The following ANKS1B variants were observed in gnomAD, a reference collection of about 807,000 sequenced individuals.
ANKS1B encodes the protein ankyrin repeat and sterile alpha motif domain containing 1B.
Under a neutral mutation model 148.3 loss-of-function variants are expected in ANKS1B, and 36 were observed. The ratio of observed to expected loss-of-function variants is 0.24; its 90% CI spans 0.19 to 0.32. ANKS1B has a LOEUF of 0.32. Ranked by LOEUF, ANKS1B falls within the 10% of genes least tolerant of loss-of-function variation. The pLI is 1.00. For missense variants in ANKS1B, 1,157 were observed against 1,542.6 expected, an observed-to-expected ratio of 0.75 and a Z score of 4.19; for synonymous variants, 542 against 560.8, an observed-to-expected ratio of 0.97 and a Z score of 0.47.
intron 8 of ANKS1B, among the ~76,000 whole-genome samples, chr12:99,703,059 C>T (rs183462264): frequency 8.5e-4 from 129 of 152,116 alleles, no homozygotes; most frequent in Middle Eastern, 3.4e-3. Flanking sequence ...AATTTTGTTT[C>T]TCCACAAGGC....
Position 99,812,282 on chromosome 12 carries a change from T to A in ANKS1B, c.245A>T (p.Glu82Val). 6.2e-7 allele frequency: 1 copy of A among 1,611,386 alleles called. No individual in the cohort carries two copies. Among genetic ancestry groups the A allele is most frequent in the Non-Finnish European group, 8.5e-7 (1 of 1,178,298 alleles). ...KDIVLKLLQYEASTNVADNKG... is the reference protein window; with the variant it reads ...KDIVLKLLQYVASTNVADNKG... ...GTTGTCTGCTACATTTGTTGATGCC[T>A]CATACTGAAGTAGTTTGAGAACTAT... The change falls in exon 3 of 27, where the codon GAG becomes GTG. Residue 82 changes from glutamate (E) to valine (V), a missense_variant. Transcript: ENST00000683438.
intron 1 of ANKS1B, among the ~76,000 whole-genome samples, chr12:99,945,357 A>G (rs1436932072): frequency 2.0e-5 from 3 of 152,006 alleles, no homozygotes; most frequent in African/African-American, 7.2e-5. Flanking sequence ...AAACCAGAAA[A>G]AAAAAAAAAA....
intron 1 of ANKS1B, among the ~76,000 whole-genome samples, chr12:99,866,507 A>G (rs559928687): frequency 1.9e-4 from 29 of 152,280 alleles, no homozygotes; most frequent in African/African-American, 6.7e-4. Flanking sequence ...CTCTAGTAAC[A>G]TTAGCTGTAT....
At chr12:99,724,594 C>T (rs773680321) in intron 8 of ANKS1B, among the ~76,000 whole-genome samples, 2 of 152,066 alleles carry the variant, frequency 1.3e-5, no homozygotes, top group Non-Finnish European at 2.9e-5. Flanking sequence ...AGGATGTTAT[C>T]TAGGAGAATG....
At position 98,877,150 on chromosome 12, in the gene ANKS1B, A is replaced by C. The variant is rs78170254; in HGVS notation, c.2779-45014T>G. 6.0e-3 allele frequency among the ~76,000 whole-genome samples: 914 copies of C among 152,336 alleles called. 10 individuals are homozygous for C. Among genetic ancestry groups the C allele is most frequent in the Non-Finnish European group, 6.5e-3 (441 of 68,034 alleles). ...CGATAGGCACCTACAAGAACAATGA[A>C]TTTTGGTCTACCTGCAGCCTAATGA... On this transcript the variant is annotated intron_variant, in intron 17 of 26. Coordinates refer to ENST00000683438, the MANE Select transcript of ANKS1B (RefSeq NM_001352186.2).
At chr12:99,427,551 CTG>C (rs796737868) in intron 11 of ANKS1B, among the ~76,000 whole-genome samples, 17 of 152,312 alleles carry the variant, frequency 1.1e-4, no homozygotes, top group African/African-American at 4.1e-4. Context: ...CTGTTTGACT[CTG>C]TGTAGTTAAT....
At chr12:98,972,217 C>T (rs2099883751) in intron 17 of ANKS1B, among the ~76,000 whole-genome samples, 1 of 152,134 alleles carries the variant, frequency 6.6e-6, no homozygotes, top group African/African-American at 2.4e-5. Context: ...ATAATATGCT[C>T]AGGTATTAGC....
At chr12:98,868,966 T>C (rs2099639577) in intron 17 of ANKS1B, among the ~76,000 whole-genome samples, 2 of 152,328 alleles carry the variant, frequency 1.3e-5, no homozygotes, top group South Asian at 4.1e-4. Flanking sequence ...ATAACTGTTT[T>C]GTAGAAAAAA....
chr12:99,914,058 A>T (rs1016248188), intron 1 of ANKS1B, among the ~76,000 whole-genome samples: 6 of 152,066 alleles, frequency 3.9e-5, no homozygotes, highest in African/African-American at 9.7e-5. Context: ...TTCCCACCTA[A>T]AGGACCCACA....
At chr12:98,868,520 C>G (rs1314864936) in intron 17 of ANKS1B, among the ~76,000 whole-genome samples, 1 of 151,184 alleles carries the variant, frequency 6.6e-6, no homozygotes, top group Non-Finnish European at 1.5e-5. Flanking sequence ...GCTGTGTAGA[C>G]AAGGTGTTTC....
At chr12:99,292,369 T>TAAAAATAAAAATAA (rs2080132642) in intron 12 of ANKS1B, among the ~76,000 whole-genome samples, 1 of 149,540 alleles carries the variant, frequency 6.7e-6, no homozygotes, top group African/African-American at 2.5e-5. Flanking sequence ...AAAATAAAAA[T>TAAAAATAAAAATAA]AAATTAGCCA....
At chr12:99,857,549 G>A (rs376304219) in intron 1 of ANKS1B, among the ~76,000 whole-genome samples, 4 of 151,600 alleles carry the variant, frequency 2.6e-5, no homozygotes, top group Admixed American at 2.0e-4. Flanking sequence ...TAAAATTAAC[G>A]TGGAACCAAA....
chr12:99,057,392 T>C (rs540639186), intron 16 of ANKS1B, among the ~76,000 whole-genome samples: 9 of 152,316 alleles, frequency 5.9e-5, no homozygotes, highest in African/African-American at 1.9e-4. Flanking sequence ...TGCATAATAT[T>C]CTGCCATTGG....
At chr12:99,551,472 C>A (rs1449073600) in intron 9 of ANKS1B, among the ~76,000 whole-genome samples, 2 of 140,494 alleles carry the variant, frequency 1.4e-5, no homozygotes, top group Non-Finnish European at 3.0e-5. Context: ...GGAACCATAA[C>A]CTAACAGTGT....
chr12:98,895,343 G>A, intron 17 of ANKS1B: 1 of 981,016 alleles, frequency 1.0e-6, no homozygotes. Context: ...AGGCCGCCGG[G>A]GCGGTAGCAG....
At chr12:99,311,174 C>A (rs2154025793) in intron 12 of ANKS1B, among the ~76,000 whole-genome samples, 1 of 152,218 alleles carries the variant, frequency 6.6e-6, no homozygotes, top group South Asian at 2.1e-4. Flanking sequence ...ACTTCTTAAG[C>A]AAATAGAATT....
At chr12:98,876,614 T>C (rs1380325396) in intron 17 of ANKS1B, among the ~76,000 whole-genome samples, 2 of 152,226 alleles carry the variant, frequency 1.3e-5, no homozygotes, top group Non-Finnish European at 1.5e-5. Flanking sequence ...TGAATTCACA[T>C]GAAAGACAAT....
rs560636105 is a variant in ANKS1B at position 98,967,150 on chromosome 12, C to A, written c.2778+86007G>T. 6.6e-5 allele frequency among the ~76,000 whole-genome samples: 10 copies of A among 152,232 alleles called. No individual in the cohort carries two copies. In the South Asian group the frequency reaches 1.2e-3, roughly 19 times the overall value. Reference sequence around the variant, plus strand: ...TGACCAGCTGTTCAGGGTGCTTTGACAATCCCAAGCCTTGAAACTACCTAA... The same window carrying A: ...TGACCAGCTGTTCAGGGTGCTTTGAAAATCCCAAGCCTTGAAACTACCTAA... On this transcript the variant is annotated intron_variant, in intron 17 of 26. Coordinates refer to ENST00000683438, the MANE Select transcript of ANKS1B (RefSeq NM_001352186.2).
At chr12:99,723,863 A>C (rs1030545014) in intron 8 of ANKS1B, among the ~76,000 whole-genome samples, 5 of 152,138 alleles carry the variant, frequency 3.3e-5, no homozygotes, top group Non-Finnish European at 7.4e-5. Context: ...CCAGATGAAT[A>C]GTGCCTGAAG....
Sources: gnomAD v4.1 joint callset for allele counts (sites outside exome capture counted in the v4.1 genomes callset) on GRCh38, gnomAD v4.1.1 for gene constraint, MANE v1.5 for transcripts, NCBI Gene and HGNC (gene_info 2026-07-23, HGNC 2026-07-21) for gene names.